The following BDP1 variants were observed in gnomAD, a reference collection of about 807,000 sequenced individuals.
BDP1 encodes the protein transcription factor TFIIIB component B'' homolog.
Under a neutral mutation model 266.6 loss-of-function variants are expected in BDP1, and 169 were observed. The observed-to-expected ratio is 0.63, with a 90% CI of 0.56 to 0.72. BDP1 has a LOEUF of 0.72. Ranked by LOEUF, BDP1 falls within the 30% of genes least tolerant of loss-of-function variation. The pLI, the probability that BDP1 is intolerant of heterozygous loss-of-function variation, is 0.00. For missense variants in BDP1, 3,015 were observed against 3,053.8 expected, an observed-to-expected ratio of 0.99 and a Z score of 0.30; for synonymous variants, 1,090 against 1,022.4, an observed-to-expected ratio of 1.07 and a Z score of -1.26.
intron 38 of BDP1, among the ~76,000 whole-genome samples, chr5:71,563,887 G>A (rs1379530685): frequency 2.0e-5 from 3 of 152,152 alleles, no homozygotes; most frequent in South Asian, 4.1e-4. Flanking sequence ...ATTCCAGCCT[G>A]GCTTTGTCTT....
intron 7 of BDP1, among the ~76,000 whole-genome samples, chr5:71,470,892 T>C (rs1424194960): frequency 1.6e-5 from 2 of 125,720 alleles, no homozygotes; most frequent in East Asian, 2.1e-4. Context: ...TGCCCAGCCC[T>C]TTTTTTTTTT....
rs754568800 is a variant in BDP1, at chr5:71,560,171, C to G, written c.7430C>G (p.Thr2477Ser). 4.3e-6 allele frequency: 7 copies of G among 1,614,130 alleles called. No homozygotes were observed. The South Asian group carries it at 7.7e-5, about 18-fold the overall frequency. Residue 2477 changes from threonine (T) to serine (S), a missense_variant, in exon 37 of 39, where the codon ACT becomes AGT. Coordinates refer to ENST00000358731, the MANE Select transcript of BDP1 (RefSeq NM_018429.3). ...EMIVSDKEER[T>S]DAAPKSQQMD... is the part of the protein sequence containing the mutation. ...ATTGTGTCTGATAAGGAAGAAAGAACTGATGCTGCTCCTAAGTCTCAGCAA... is the reference window on the plus strand; with the variant it reads ...ATTGTGTCTGATAAGGAAGAAAGAAGTGATGCTGCTCCTAAGTCTCAGCAA...
At chr5:71,527,880 G>A (rs147292341) in intron 25 of BDP1, among the ~76,000 whole-genome samples, 33 of 150,370 alleles carry the variant, frequency 2.2e-4, no homozygotes, top group Middle Eastern at 3.5e-3. Context: ...GTACAGTGGC[G>A]CAATCTTGGC....
rs189396880 is a variant in BDP1 at position 71,565,240 on chromosome 5, G to A, written c.*355G>A. The A allele has an allele frequency of 2.4e-5, 4 of 167,524 alleles. No individual in the cohort carries two copies. The highest frequency in any genetic ancestry group is 1.3e-4 in the Admixed American group (2 of 15,842). 10.4% of individuals were successfully genotyped at this position (167,524 alleles called of 1,614,324 possible). On this transcript the variant is annotated 3_prime_UTR_variant, in exon 39 of 39. Transcript: ENST00000358731. ...GAATTGCAGTGCAGACAGATTTGGG[G>A]GTTAATTGTATCATATTTAACATTT...
rs1743738428 is a variant in BDP1, at chr5:71,562,413, A to G, written c.7636A>G (p.Asn2546Asp). The G allele has an allele frequency of 1.2e-6, 2 of 1,613,826 alleles. No homozygotes were observed. Among genetic ancestry groups the G allele is most frequent in the Non-Finnish European group, 8.5e-7 (1 of 1,179,928 alleles). The change falls in exon 38 of 39, where the codon AAT (asparagine) becomes GAT (aspartate). Residue 2546 changes from asparagine (N) to aspartate (D), a missense_variant. Asn to Asp is a conservative substitution (Grantham distance 23). Around this residue, in one of 3 missense-constraint regions of BDP1, gnomAD observed 629 missense variants for 632.5 expected, o/e 0.99. Transcript: ENST00000358731. ...PGLRKKLKRS[N>D]PFNESQEKNR... ...ATTAAGAAAGAAATTGAAAAGATCT[A>G]ATCCATTCAATGAAAGCCAGGAAAA...
In BDP1 at chr5:71,497,372, A is replaced by G. The variant is rs1763960524; in HGVS notation, c.1902A>G (p.Gln634=). ...CTGGGAAGAAATCAGTTCTTTCACA[A>G]GGCAAAACAGAGTCAGAGAGCAAGA... ...SRAGKKSVLS[Q]GKTESESKNS... The change falls in exon 13 of 39, where the codon CAA becomes CAG. Residue 634 remains glutamine (Q), a synonymous_variant. Transcript: ENST00000358731. The G allele has an allele frequency of 1.9e-6, 3 of 1,613,742 alleles. No homozygotes were observed. The highest frequency in any genetic ancestry group is 2.5e-6 in the Non-Finnish European group (3 of 1,179,884).
At chr5:71,572,233 A>G (rs921204521), downstream of BDP1, among the ~76,000 whole-genome samples, 2 of 152,134 alleles carry the variant, frequency 1.3e-5, no homozygotes, top group South Asian at 4.1e-4. Context: ...TTCACTAGAG[A>G]CAAGGTGTCC....
At chr5:71,544,974 A>G (rs1210898641) in intron 31 of BDP1, 65 bp from the exon 32 acceptor site, 5 of 1,474,872 alleles carry the variant, frequency 3.4e-6, no homozygotes, top group Non-Finnish European at 4.7e-6. Flanking sequence ...TTACACACCT[A>G]GCTCTAAAAA....
downstream of BDP1, among the ~76,000 whole-genome samples, chr5:71,569,518 G>A (rs968562038): frequency 6.6e-6 from 1 of 152,148 alleles, no homozygotes; most frequent in East Asian, 1.9e-4. Flanking sequence ...AGGCCGAGAT[G>A]GGAGGATCGC....
chr5:71,533,140 C>T (rs1766358228), intron 26 of BDP1, among the ~76,000 whole-genome samples: 1 of 152,138 alleles, frequency 6.6e-6, no homozygotes, highest in Non-Finnish European at 1.5e-5. Context: ...AATAATATTC[C>T]ATATGGATAT....
At chr5:71,506,146 CTA>C (rs1182956674) in intron 16 of BDP1, among the ~76,000 whole-genome samples, 3 of 152,122 alleles carry the variant, frequency 2.0e-5, no homozygotes, top group Non-Finnish European at 4.4e-5. Context: ...TCAGTTTAAA[CTA>C]GAGTCTATTA....
At chr5:71,505,143 A>T (rs1764508749) in intron 16 of BDP1, among the ~76,000 whole-genome samples, 1 of 152,024 alleles carries the variant, frequency 6.6e-6, no homozygotes, top group Non-Finnish European at 1.5e-5. Context: ...AGTAGCTGGG[A>T]TTACAGGTGC....
At chr5:71,512,467 A>T in intron 18 of BDP1, 39 bp downstream of exon 18, 2 of 1,336,176 alleles carry the variant, frequency 1.5e-6, no homozygotes, top group Non-Finnish European at 2.0e-6. Flanking sequence ...ATTAAGTTAT[A>T]GTTGCAGATT....
chr5:71,494,532 A>G (rs1763770517), intron 11 of BDP1: 1 of 152,210 alleles, frequency 6.6e-6, no homozygotes, highest in Non-Finnish European at 1.5e-5. Flanking sequence ...CACTTTGCGT[A>G]GGACTATGTT....
chr5:71,509,442 T>C lies in BDP1; in HGVS notation c.2373-23T>C, dbSNP rs528250574. The C allele has an allele frequency of 2.9e-4, 429 of 1,471,026 alleles. 2 individuals are homozygous for C. In the East Asian group the frequency reaches 7.5e-3, roughly 26 times the overall value. The allele number at this position is 1,471,026 out of a possible 1,614,324, so 91.1% of individuals were successfully genotyped here. On this transcript the variant is annotated intron_variant, in intron 16 of 38. Transcript: ENST00000358731. ...GGCAGTCTGGTTTAAAACTTGATTG[T>C]GTGCCCCCTTTTTTTTTTATAGCGT...
intron 2 of BDP1, among the ~76,000 whole-genome samples, chr5:71,460,888 G>A (rs879688677): frequency 6.6e-6 from 1 of 151,948 alleles, no homozygotes; most frequent in Admixed American, 6.6e-5. Context: ...AAAAAAAGCT[G>A]TGTAAGCATA....
chr5:71,478,674 T>C (rs1762747108), intron 7 of BDP1, among the ~76,000 whole-genome samples: 1 of 152,038 alleles, frequency 6.6e-6, no homozygotes. Flanking sequence ...TTTTTTTTAA[T>C]TTTAGTATTC....
chr5:71,514,440 G>A (rs964407549), intron 19 of BDP1, among the ~76,000 whole-genome samples: 4 of 152,082 alleles, frequency 2.6e-5, no homozygotes, highest in Admixed American at 2.6e-4. Context: ...TAATCATACA[G>A]CAATTTTGAA....
intron 22 of BDP1, among the ~76,000 whole-genome samples, chr5:71,520,045 C>T (rs1765419134): frequency 6.6e-6 from 1 of 152,126 alleles, no homozygotes; most frequent in Non-Finnish European, 1.5e-5. Flanking sequence ...TTTTGATTTG[C>T]GTTTCCGTGA....
Sources: gnomAD v4.1 joint callset for allele counts (sites outside exome capture counted in the v4.1 genomes callset) on GRCh38, gnomAD v4.1.1 for gene constraint, gnomAD v4.1.1 regional missense constraint, MANE v1.5 for transcripts, NCBI Gene and HGNC (gene_info 2026-07-23, HGNC 2026-07-21) for gene names.